The following COPS5 variants were observed in gnomAD, a reference collection of about 807,000 sequenced individuals.
COPS5 encodes COP9 signalosome subunit 5, also known as COP9 signalosome complex subunit 5.
In COPS5, 8 loss-of-function variants were observed where a neutral mutation model predicts 44.4. That is an observed-to-expected ratio of 0.18 (90% CI 0.11 to 0.32). The LOEUF is 0.32. Ranked by LOEUF, COPS5 falls within the 10% of genes least tolerant of loss-of-function variation. The pLI is 1.00. For synonymous variants in COPS5, 122 were observed against 142.8 expected, an observed-to-expected ratio of 0.85 and a Z score of 1.04; for missense variants, 159 against 406.4, an observed-to-expected ratio of 0.39 and a Z score of 5.23.
intron 5 of COPS5, among the ~76,000 whole-genome samples, chr8:67,055,041 GAT>G (rs1197433950): frequency 2.0e-5 from 3 of 152,186 alleles, no homozygotes; most frequent in African/African-American, 7.2e-5. Flanking sequence ...CCTGTAAACA[GAT>G]ACTCAATGCT....
Position 67,056,556 on chromosome 8 carries a change from G to T in COPS5, c.622C>A (p.Leu208Ile). 3.4e-6 allele frequency: 5 copies of T among 1,488,106 alleles called. No individual in the cohort carries two copies. The highest frequency in any genetic ancestry group is 4.5e-6 in the Non-Finnish European group (5 of 1,104,132). The allele number at this position is 1,488,106 out of a possible 1,614,324, so 92.2% of individuals were successfully genotyped here. The change falls in exon 5 of 8, where the codon CTT (leucine) becomes ATT (isoleucine). Residue 208 changes from leucine to isoleucine, a missense_variant. Transcript: ENST00000357849. ...EGPSEYQTIP[L>I]NKIEDFGVHC... is the part of the protein sequence containing the mutation. ...ACACCAAAATCTTCTATTTTATTAA[G>T]TGGAATAGTCTGGTACTCAGAAGGT...
At chr8:67,054,546 G>C (rs1264559700) in intron 5 of COPS5, among the ~76,000 whole-genome samples, 5 of 151,842 alleles carry the variant, frequency 3.3e-5, no homozygotes, top group African/African-American at 1.2e-4. Flanking sequence ...GACTCCATCT[G>C]AAATAAAAAA....
At position 67,054,548 on chromosome 8, in the gene COPS5, A is replaced by T. The variant is rs563403840; in HGVS notation, c.659+1971T>A. ...GGCAACCTAGTGAGACTCCATCTGAAATAAAAAAACAGGAACCAAAAAAAA... is the reference window on the plus strand; with the variant it reads ...GGCAACCTAGTGAGACTCCATCTGATATAAAAAAACAGGAACCAAAAAAAA... On this transcript the variant is annotated intron_variant, in intron 5 of 7. Coordinates refer to ENST00000357849, the MANE Select transcript of COPS5 (RefSeq NM_006837.3). 2.0e-5 allele frequency among the ~76,000 whole-genome samples: 3 copies of T among 152,354 alleles called. No homozygotes were observed. In the South Asian group the frequency reaches 6.2e-4, roughly 32 times the overall value.
chr8:67,060,519 G>T, intron 1 of COPS5: 5 of 1,288,916 alleles, frequency 3.9e-6, no homozygotes, highest in Non-Finnish European at 5.1e-6. Flanking sequence ...GTCAAGACAT[G>T]AATCGAAATC....
intron 4 of COPS5, among the ~76,000 whole-genome samples, chr8:67,056,974 T>G (rs1804523656): frequency 6.6e-6 from 1 of 152,006 alleles, no homozygotes; most frequent in African/African-American, 2.4e-5. Flanking sequence ...AGCTTGTTTT[T>G]TCTCTAGTAC....
In COPS5 at chr8:67,058,995, C is replaced by T. The variant is rs555979814; in HGVS notation, c.378+216G>A. On this transcript the variant is annotated intron_variant, in intron 2 of 7. Transcript: ENST00000357849. The stretch of plus-strand genomic sequence containing the variant: ...CTCCAGCCTGGGCAACAGAGTGAGT[C>T]CCTGTCTCGAAAAAAAAAAAACAAC... Among the ~76,000 whole-genome samples, 5 of 150,562 alleles carry T rather than the reference C, an allele frequency of 3.3e-5. No homozygotes were observed. In the South Asian group the frequency reaches 1.0e-3, roughly 32 times the overall value.
At chr8:67,055,268 G>C (rs978035650) in intron 5 of COPS5, among the ~76,000 whole-genome samples, 1 of 152,218 alleles carries the variant, frequency 6.6e-6, no homozygotes, top group Non-Finnish European at 1.5e-5. Flanking sequence ...TCTGTGATAA[G>C]GACTAAGGAT....
intron 7 of COPS5, chr8:67,044,787 A>T (rs1816679524): frequency 6.6e-6 from 1 of 151,724 alleles, no homozygotes; most frequent in African/African-American, 2.4e-5. Context: ...TTTAGTAAAG[A>T]TGGGGTTTCA....
intron 4 of COPS5, 81 bp from the exon 5 acceptor site, chr8:67,056,685 ATATATATATATATATATATATATAT>A (rs2129537964): frequency 2.3e-5 from 3 of 128,768 alleles, no homozygotes; most frequent in South Asian, 2.7e-4. Flanking sequence ...ATATATATAT[ATATATATATATATATATATATATAT>A]AAAAATGAGA....
At chr8:67,060,714 T>C (rs1804582637) in intron 1 of COPS5, 1 of 325,078 alleles carries the variant, frequency 3.1e-6, no homozygotes, top group Non-Finnish European at 6.1e-6. Flanking sequence ...GTCAATCAAC[T>C]AGTTAGTGAC....
intron 6 of COPS5, among the ~76,000 whole-genome samples, chr8:67,046,166 G>A (rs1816696626): frequency 6.6e-6 from 1 of 152,042 alleles, no homozygotes; most frequent in Non-Finnish European, 1.5e-5. Flanking sequence ...AGTGTAGATA[G>A]ATGTTTTCCC....
At chr8:67,057,933 C>G (rs1009775012) in intron 3 of COPS5, 150 bp downstream of exon 3, 2 of 796,108 alleles carry the variant, frequency 2.5e-6, no homozygotes, top group African/African-American at 3.5e-5. Context: ...TGCTCAAAGT[C>G]CCAGCTTCTA....
At chr8:67,048,596 A>T (rs902518582) in intron 6 of COPS5, among the ~76,000 whole-genome samples, 9 of 151,724 alleles carry the variant, frequency 5.9e-5, no homozygotes, top group Non-Finnish European at 1.2e-4. Flanking sequence ...CGCACCTGTA[A>T]TCCCAGCTAC....
At chr8:67,049,323 G>GT (rs1368032971) in intron 6 of COPS5, among the ~76,000 whole-genome samples, 2 of 152,168 alleles carry the variant, frequency 1.3e-5, no homozygotes, top group Admixed American at 1.3e-4. Context: ...AATTAGCCAG[G>GT]TGTGGTGGCT....
At chr8:67,048,986 G>A (rs1816735295) in intron 6 of COPS5, among the ~76,000 whole-genome samples, 1 of 152,082 alleles carries the variant, frequency 6.6e-6, no homozygotes, top group African/African-American at 2.4e-5. Flanking sequence ...TGGCAGAGTT[G>A]TTTTCAAAGT....
chr8:67,051,129 C>G, intron 6 of COPS5, 101 bp downstream of exon 6: 1 of 813,670 alleles, frequency 1.2e-6, no homozygotes. Flanking sequence ...GTGTCTTGGC[C>G]AAGTCAGGTA....
intron 6 of COPS5, among the ~76,000 whole-genome samples, chr8:67,049,618 T>G (rs1270077964): frequency 6.6e-6 from 1 of 152,220 alleles, no homozygotes; most frequent in African/African-American, 2.4e-5. Flanking sequence ...ATCCACCTTT[T>G]CCTTGAAAGC....
At chr8:67,060,649 G>C in intron 1 of COPS5, 1 of 400,294 alleles carries the variant, frequency 2.5e-6, no homozygotes. Flanking sequence ...ATACCAATAA[G>C]TAGGTCTTAT....
intron 5 of COPS5, among the ~76,000 whole-genome samples, chr8:67,055,446 T>G (rs1342329170): frequency 6.6e-6 from 1 of 152,200 alleles, no homozygotes; most frequent in East Asian, 1.9e-4. Context: ...TGGCAGTGGC[T>G]TGGGTGAAAA....
Sources: allele counts gnomAD v4.1 joint callset (sites outside exome capture counted in the v4.1 genomes callset), GRCh38; gene constraint gnomAD v4.1.1; transcripts MANE v1.5; gene names NCBI Gene and HGNC (gene_info 2026-07-23, HGNC 2026-07-21).